NEGR1: variants seen among roughly 807,000 people sequenced by gnomAD.
NEGR1 encodes IgLON family member 4.
A neutral mutation model predicts 40.9 loss-of-function variants in NEGR1; 10 were observed. The observed-to-expected ratio is 0.24, with a 90% CI of 0.15 to 0.42. The LOEUF (loss-of-function observed/expected upper bound fraction) is 0.42, where lower values mean the gene tolerates loss of function less well. Ranked by LOEUF, NEGR1 falls within the 10% of genes least tolerant of loss-of-function variation. The pLI is 1.00. For synonymous variants in NEGR1, 185 were observed against 166.8 expected (o/e 1.11, Z -0.84); for missense variants, 352 against 438.9 (o/e 0.80, Z 1.77).
intron 6 of NEGR1, among the ~76,000 whole-genome samples, chr1:71,554,514 G>A (rs770084845): frequency 1.5e-4 from 23 of 151,504 alleles, no homozygotes; most frequent in Non-Finnish European, 3.0e-4. Context: ...ACACTTAATT[G>A]TTCAAGGGGT....
At chr1:71,416,237 T>C (rs1646354478) in intron 6 of NEGR1, among the ~76,000 whole-genome samples, 1 of 152,152 alleles carries the variant, frequency 6.6e-6, no homozygotes, top group Admixed American at 6.5e-5. Context: ...GGTATGTGGG[T>C]GTGAAATTAT....
chr1:72,064,850 G>A (rs940399850), intron 1 of NEGR1, among the ~76,000 whole-genome samples: 1 of 151,762 alleles, frequency 6.6e-6, no homozygotes, highest in African/African-American at 2.4e-5. Flanking sequence ...TCATTTTTTG[G>A]TTTATTTTAT....
chr1:71,837,670 C>T (rs537746238), intron 2 of NEGR1, among the ~76,000 whole-genome samples: 1 of 152,134 alleles, frequency 6.6e-6, no homozygotes, highest in South Asian at 2.1e-4. Context: ...ATGTTTTCAA[C>T]ATGAAATGTT....
chr1:71,763,225 T>C (rs1656008843), intron 3 of NEGR1, among the ~76,000 whole-genome samples: 1 of 152,162 alleles, frequency 6.6e-6, no homozygotes, highest in Non-Finnish European at 1.5e-5. Context: ...ATGTCATATA[T>C]GTTATACAAA....
intron 1 of NEGR1, among the ~76,000 whole-genome samples, chr1:72,277,965 C>T (rs1392005597): frequency 6.6e-6 from 1 of 152,014 alleles, no homozygotes; most frequent in African/African-American, 2.4e-5. Context: ...TAACAGCATG[C>T]ATTTCAAATC....
chr1:71,923,152 A>G (rs918830064), intron 2 of NEGR1, among the ~76,000 whole-genome samples: 12 of 152,300 alleles, frequency 7.9e-5, no homozygotes, highest in Admixed American at 5.2e-4. Flanking sequence ...AGGTTAGGTC[A>G]GTAAGATAGA....
rs1267924878 is a variant in NEGR1, at chr1:71,404,663, T to A, written c.*2783A>T. The A allele has an allele frequency of 1.3e-4, 20 of 151,952 alleles. No homozygotes were observed. 9.4% of individuals were successfully genotyped at this position (151,952 alleles called of 1,614,324 possible). On this transcript the variant is annotated 3_prime_UTR_variant, in exon 7 of 7. Coordinates refer to ENST00000357731, the MANE Select transcript of NEGR1 (RefSeq NM_173808.3). ...TCCATTCTCATTTTTAAACTGCTAC[T>A]TATTTTTCTTTCTTCCTTCTTTAAA...
intron 1 of NEGR1, among the ~76,000 whole-genome samples, chr1:72,239,780 CA>C (rs1165160371): frequency 1.3e-4 from 19 of 150,606 alleles, no homozygotes. Flanking sequence ...GTAAAACTTC[CA>C]AAAAAAATTG....
intron 3 of NEGR1, among the ~76,000 whole-genome samples, chr1:71,769,685 C>T (rs942040371): frequency 6.6e-6 from 1 of 152,142 alleles, no homozygotes; most frequent in South Asian, 2.1e-4. Context: ...TGAGGCCTCC[C>T]CAGTCCTGTG....
Position 71,690,597 on chromosome 1 carries a change from CACAT to C in NEGR1, c.667+7407_667+7410del, listed in dbSNP as rs749663127. 3.9e-3 allele frequency among the ~76,000 whole-genome samples: 461 copies of C among 118,580 alleles called. 2 individuals carry two copies. Among genetic ancestry groups the C allele is most frequent in the Middle Eastern group, 8.8e-3 (2 of 228 alleles). The allele number at this position is 118,580 out of a possible 152,430, so 77.8% of individuals were successfully genotyped here. On this transcript the variant is annotated intron_variant, in intron 4 of 6. Transcript: ENST00000357731. ...ACACACACACACACACACACACACA[CACAT>C]ATATATATAGAGGGAGACAGAGAGA...
intron 6 of NEGR1, among the ~76,000 whole-genome samples, chr1:71,577,638 A>T (rs1307345686): frequency 6.6e-6 from 1 of 152,084 alleles, no homozygotes; most frequent in African/African-American, 2.4e-5. Context: ...TAGGTTCCAG[A>T]TTTTTTCTGT....
At chr1:71,487,032 G>T (rs1031456857) in intron 6 of NEGR1, 1 of 151,468 alleles carries the variant, frequency 6.6e-6, no homozygotes, top group Non-Finnish European at 1.5e-5. Context: ...ATTCCATATA[G>T]AGACATAAGA....
At chr1:72,156,276 C>T (rs188914781) in intron 1 of NEGR1, among the ~76,000 whole-genome samples, 141 of 152,138 alleles carry the variant, frequency 9.3e-4, no homozygotes, top group Non-Finnish European at 1.2e-3. Flanking sequence ...TCTTCAACTA[C>T]TGAAATATAA....
At chr1:71,925,318 C>A (rs140295092) in intron 2 of NEGR1, among the ~76,000 whole-genome samples, 18 of 152,158 alleles carry the variant, frequency 1.2e-4, no homozygotes, top group Non-Finnish European at 2.4e-4. Flanking sequence ...CCTGCAAATG[C>A]GGGCTAGAAA....
chr1:71,425,804 C>T (rs187940944), intron 6 of NEGR1, among the ~76,000 whole-genome samples: 92 of 152,108 alleles, frequency 6.0e-4, no homozygotes, highest in Admixed American at 1.8e-3. Context: ...TTTGGACAAA[C>T]GTAATTTAGA....
At chr1:71,511,269 GTTATGATGC>G (rs1647070973) in intron 6 of NEGR1, among the ~76,000 whole-genome samples, 1 of 152,196 alleles carries the variant, frequency 6.6e-6, no homozygotes, top group Admixed American at 6.5e-5. Flanking sequence ...AATTAAACAT[GTTATGATGC>G]TTTTAATTGC....
intron 3 of NEGR1, among the ~76,000 whole-genome samples, chr1:71,727,364 G>A (rs888176087): frequency 6.6e-6 from 1 of 152,096 alleles, no homozygotes; most frequent in Non-Finnish European, 1.5e-5. Context: ...TTCAGGATAT[G>A]CCAAAAGATT....
intron 2 of NEGR1, among the ~76,000 whole-genome samples, chr1:71,931,929 G>C (rs1645859038): frequency 6.6e-6 from 1 of 152,000 alleles, no homozygotes; most frequent in Non-Finnish European, 1.5e-5. Flanking sequence ...ATATCACATA[G>C]TTCAAAACAG....
chr1:72,267,242 G>A (rs2100553159), intron 1 of NEGR1, among the ~76,000 whole-genome samples: 1 of 151,076 alleles, frequency 6.6e-6, no homozygotes, highest in South Asian at 2.1e-4. Flanking sequence ...GCCACTATTT[G>A]CAAGGACCCC....
Sources: allele counts gnomAD v4.1 joint callset (sites outside exome capture counted in the v4.1 genomes callset), GRCh38; gene constraint gnomAD v4.1.1; transcripts MANE v1.5; gene names NCBI Gene and HGNC (gene_info 2026-07-23, HGNC 2026-07-21).